NEGR1: variants seen among roughly 807,000 people sequenced by gnomAD.
NEGR1 encodes the protein neuronal growth regulator 1.
A neutral mutation model predicts 40.9 loss-of-function variants in NEGR1; 10 were observed. The observed-to-expected ratio is 0.24, with a 90% CI of 0.15 to 0.42. NEGR1 has a LOEUF of 0.42. Among genes scored for constraint, NEGR1 ranks in the 10% least tolerant of loss-of-function variants. The pLI is 1.00. For synonymous variants in NEGR1, 185 were observed against 166.8 expected (o/e 1.11, Z -0.84); for missense variants, 352 against 438.9 (o/e 0.80, Z 1.77).
intron 1 of NEGR1, among the ~76,000 whole-genome samples, chr1:72,083,238 C>T (rs1648075859): frequency 6.6e-6 from 1 of 151,878 alleles, no homozygotes; most frequent in African/African-American, 2.4e-5. Context: ...CTCTCACTAC[C>T]TTCTTCCATC....
chr1:71,705,070 A>AT (rs35803173), intron 3 of NEGR1, among the ~76,000 whole-genome samples: 47,506 of 151,824 alleles, frequency 0.31, 9,056 homozygotes, highest in East Asian at 0.48. Context: ...CAATATTTTA[A>AT]TTTTTTTCAT....
chr1:72,103,786 G>A (rs902072994), intron 1 of NEGR1, among the ~76,000 whole-genome samples: 5 of 151,968 alleles, frequency 3.3e-5, no homozygotes, highest in Admixed American at 1.3e-4. Context: ...TCCCTAGTAG[G>A]GAAGTGGGGT....
chr1:71,543,884 A>T (rs1647799693), intron 6 of NEGR1, among the ~76,000 whole-genome samples: 2 of 151,728 alleles, frequency 1.3e-5, no homozygotes, highest in Admixed American at 6.6e-5. Context: ...AGGAAAAAGC[A>T]CTAAGTGGTT....
At chr1:71,817,474 A>G (rs1478277358) in intron 2 of NEGR1, among the ~76,000 whole-genome samples, 1 of 152,064 alleles carries the variant, frequency 6.6e-6, no homozygotes, top group Admixed American at 6.6e-5. Flanking sequence ...CATAGGCGCT[A>G]TTCCCTAATA....
At chr1:72,005,555 T>G (rs964568591) in intron 1 of NEGR1, among the ~76,000 whole-genome samples, 1 of 152,236 alleles carries the variant, frequency 6.6e-6, no homozygotes, top group African/African-American at 2.4e-5. Flanking sequence ...CAGATTTGTA[T>G]TTATTTGACA....
intron 3 of NEGR1, among the ~76,000 whole-genome samples, chr1:71,767,645 A>G (rs540619535): frequency 7.0e-4 from 106 of 152,318 alleles, no homozygotes; most frequent in African/African-American, 2.5e-3. Flanking sequence ...GCAATTCAAG[A>G]TGGCTGCAGA....
chr1:72,036,161 T>C (rs975459170), intron 1 of NEGR1, among the ~76,000 whole-genome samples: 2 of 152,198 alleles, frequency 1.3e-5, no homozygotes, highest in African/African-American at 4.8e-5. Flanking sequence ...TTTCAGTGAA[T>C]ACTGAGGCAA....
At chr1:72,041,033 G>C (rs988772953) in intron 1 of NEGR1, among the ~76,000 whole-genome samples, 2 of 151,848 alleles carry the variant, frequency 1.3e-5, no homozygotes, top group Non-Finnish European at 2.9e-5. Context: ...TTCTTAATTG[G>C]AATTGTAACA....
chr1:71,440,613 T>C (rs1646540969), intron 6 of NEGR1, among the ~76,000 whole-genome samples: 1 of 152,208 alleles, frequency 6.6e-6, no homozygotes, highest in African/African-American at 2.4e-5. Context: ...CCATTCAATT[T>C]GGTACAGGCA....
chr1:72,221,836 G>A (rs1009402637), intron 1 of NEGR1, among the ~76,000 whole-genome samples: 1 of 152,120 alleles, frequency 6.6e-6, no homozygotes. Flanking sequence ...CATAGCCACA[G>A]GATCTTTGAT....
intron 4 of NEGR1, among the ~76,000 whole-genome samples, chr1:71,650,773 G>GA (rs1171936689): frequency 1.3e-5 from 2 of 152,022 alleles, no homozygotes; most frequent in Admixed American, 6.6e-5. Flanking sequence ...TAGTATAAAA[G>GA]AAAAAAATAC....
intron 2 of NEGR1, among the ~76,000 whole-genome samples, chr1:71,928,359 T>TACACACATATGTATATATGTATATATAC (rs1444098712): frequency 3.2e-5 from 3 of 93,412 alleles, no homozygotes; most frequent in East Asian, 5.5e-4. Flanking sequence ...TGTATATATA[T>TACACACATATGTATATATGTATATATAC]ATACACATAT....
At chr1:72,228,542 T>C (rs953681072) in intron 1 of NEGR1, among the ~76,000 whole-genome samples, 5 of 152,088 alleles carry the variant, frequency 3.3e-5, no homozygotes, top group Non-Finnish European at 7.4e-5. Flanking sequence ...AATAAATCTC[T>C]TCACATATAT....
chr1:72,142,313 C>T (rs1367150291), intron 1 of NEGR1, among the ~76,000 whole-genome samples: 1 of 151,990 alleles, frequency 6.6e-6, no homozygotes, highest in South Asian at 2.1e-4. Context: ...AATAAAGATA[C>T]ATGGACATAA....
At chr1:71,894,562 A>T (rs1262471160) in intron 2 of NEGR1, among the ~76,000 whole-genome samples, 1 of 152,326 alleles carries the variant, frequency 6.6e-6, no homozygotes, top group East Asian at 1.9e-4. Flanking sequence ...AAGACCAAAG[A>T]AGTTAAGTAA....
intron 2 of NEGR1, among the ~76,000 whole-genome samples, chr1:71,894,399 G>A (rs1458645256): frequency 2.0e-5 from 3 of 152,166 alleles, no homozygotes; most frequent in African/African-American, 7.2e-5. Flanking sequence ...CTTCTAAAGT[G>A]AGTAGCAATT....
chr1:72,221,650 A>T (rs2100483374), intron 1 of NEGR1, among the ~76,000 whole-genome samples: 1 of 152,286 alleles, frequency 6.6e-6, no homozygotes, highest in East Asian at 1.9e-4. Flanking sequence ...ATACCACCCC[A>T]GAAAGTAGCC....
At chr1:71,957,103 T>C (rs988814646) in intron 1 of NEGR1, among the ~76,000 whole-genome samples, 3 of 152,148 alleles carry the variant, frequency 2.0e-5, no homozygotes, top group African/African-American at 7.2e-5. Flanking sequence ...AATTTATGTG[T>C]CTCTGAATAT....
At chr1:72,000,819 T>C (rs1330048782) in intron 1 of NEGR1, among the ~76,000 whole-genome samples, 1 of 152,098 alleles carries the variant, frequency 6.6e-6, no homozygotes, top group Non-Finnish European at 1.5e-5. Flanking sequence ...ATCTAGATAG[T>C]CAAAATGAAA....
Sources: allele counts gnomAD v4.1 joint callset (sites outside exome capture counted in the v4.1 genomes callset), GRCh38; gene constraint gnomAD v4.1.1; transcripts MANE v1.5; gene names NCBI Gene and HGNC (gene_info 2026-07-23, HGNC 2026-07-21).